TCF4: variants seen among roughly 807,000 people sequenced by gnomAD.
TCF4 encodes the protein transcription factor 4, also known as SL3-3 enhancer factor 2.
A neutral mutation model predicts 82.1 loss-of-function variants in TCF4; 3 were observed. The ratio of observed to expected loss-of-function variants is 0.04; its 90% CI spans 0.02 to 0.09. The LOEUF (loss-of-function observed/expected upper bound fraction) is 0.09, where lower values mean the gene tolerates loss of function less well. Among genes scored for constraint, TCF4 ranks in the 10% least tolerant of loss-of-function variants. The pLI, the probability that TCF4 is intolerant of heterozygous loss-of-function variation, is 1.00. For missense variants in TCF4, 518 were observed against 852.7 expected (o/e 0.61, Z 4.89); for synonymous variants, 276 against 309.6 (o/e 0.89, Z 1.14).
At chr18:55,312,171 T>A (rs1045957403) in intron 8 of TCF4, among the ~76,000 whole-genome samples, 1 of 152,232 alleles carries the variant, frequency 6.6e-6, no homozygotes, top group African/African-American at 2.4e-5. Context: ...TGTATAAATG[T>A]GTTTAGGTTT....
intron 5 of TCF4, among the ~76,000 whole-genome samples, chr18:55,459,175 C>T (rs1286697704): frequency 6.6e-6 from 1 of 152,118 alleles, no homozygotes; most frequent in Non-Finnish European, 1.5e-5. Flanking sequence ...GATAAAAGAG[C>T]AAAGCTGACA....
intron 8 of TCF4, among the ~76,000 whole-genome samples, chr18:55,292,823 CATT>C (rs1205177615): frequency 4.2e-5 from 6 of 142,022 alleles, no homozygotes; most frequent in Non-Finnish European, 9.7e-5. Context: ...TATTTACCCA[CATT>C]ATACATCTTT....
chr18:55,279,833 G>A (rs1026732731), intron 8 of TCF4, among the ~76,000 whole-genome samples, 177 bp from the exon 9 acceptor site: 5 of 152,082 alleles, frequency 3.3e-5, no homozygotes, highest in Non-Finnish European at 7.4e-5. Context: ...ACAACAAAAC[G>A]AAACAAAAGC....
chr18:55,457,079 A>G (rs545137173), intron 5 of TCF4, among the ~76,000 whole-genome samples: 1 of 152,356 alleles, frequency 6.6e-6, no homozygotes, highest in East Asian at 1.9e-4. Context: ...AATGTCAGGT[A>G]AAAGTATATG....
At chr18:55,374,959 G>A (rs1427558982) in intron 6 of TCF4, among the ~76,000 whole-genome samples, 2 of 139,886 alleles carry the variant, frequency 1.4e-5, no homozygotes, top group Non-Finnish European at 3.1e-5. Context: ...TCAGGACATA[G>A]AAAGAAGAAA....
chr18:55,439,278 C>G (rs1308389321), intron 5 of TCF4, among the ~76,000 whole-genome samples: 1 of 152,046 alleles, frequency 6.6e-6, no homozygotes, highest in Non-Finnish European at 1.5e-5. Flanking sequence ...AGAGAGGGAT[C>G]CACATCTGAG....
chr18:55,366,254 A>G (rs1442104465), intron 6 of TCF4, among the ~76,000 whole-genome samples: 1 of 152,200 alleles, frequency 6.6e-6, no homozygotes, highest in African/African-American at 2.4e-5. Context: ...AAAATTCCAG[A>G]AGGTTTGAAA....
intron 6 of TCF4, among the ~76,000 whole-genome samples, chr18:55,386,322 G>A (rs565558010): frequency 2.0e-5 from 3 of 152,226 alleles, no homozygotes; most frequent in Non-Finnish European, 4.4e-5. Context: ...AGCAAAATAC[G>A]CCAATATCAC....
At chr18:55,570,874 T>C in intron 3 of TCF4, among the ~76,000 whole-genome samples, 1 of 142,854 alleles carries the variant, frequency 7.0e-6, no homozygotes, top group Admixed American at 7.2e-5. Flanking sequence ...CAGAGTGAGA[T>C]GTGAGACCCT....
chr18:55,615,057 G>T (rs1276779270), intron 2 of TCF4, among the ~76,000 whole-genome samples: 1 of 152,056 alleles, frequency 6.6e-6, no homozygotes, highest in Non-Finnish European at 1.5e-5. Flanking sequence ...TTCTTTGTCT[G>T]CATTGTGGTA....
At chr18:55,589,456 A>C, upstream of TCF4, 1 of 1,056,434 alleles carries the variant, frequency 9.5e-7, no homozygotes, top group Non-Finnish European at 1.1e-6. Flanking sequence ...AGATTACAAG[A>C]TTATGCACCT....
intron 5 of TCF4, among the ~76,000 whole-genome samples, chr18:55,426,968 T>C (rs753658265): frequency 6.6e-5 from 10 of 152,184 alleles, no homozygotes; most frequent in Non-Finnish European, 1.3e-4. Context: ...CTTTTACTTT[T>C]AAGGAGCTAA....
intron 5 of TCF4, among the ~76,000 whole-genome samples, chr18:55,407,246 A>C (rs997190367): frequency 1.3e-5 from 2 of 152,210 alleles, no homozygotes; most frequent in Non-Finnish European, 2.9e-5. Flanking sequence ...GGCTGAATGA[A>C]AGCTATAGAG....
At chr18:55,635,598 G>A in intron 1 of TCF4, 2 of 1,397,482 alleles carry the variant, frequency 1.4e-6, no homozygotes, top group Non-Finnish European at 9.4e-7. Flanking sequence ...AGAGAGGTTA[G>A]AGAGCTAGAA....
intron 5 of TCF4, among the ~76,000 whole-genome samples, chr18:55,440,349 G>A (rs1256727352): frequency 6.6e-6 from 1 of 152,022 alleles, no homozygotes; most frequent in African/African-American, 2.4e-5. Context: ...TAAGCTTTGG[G>A]GTTTTTGGGG....
chr18:55,268,789 C>T (rs541352972), intron 11 of TCF4: 2 of 152,212 alleles, frequency 1.3e-5, no homozygotes, highest in South Asian at 2.1e-4. Context: ...GACTCAACAG[C>T]AGCATTATTC....
rs558509889 is a variant in TCF4 at position 55,626,032 on chromosome 18, G to A, written c.286+5266C>T. Among the ~76,000 whole-genome samples, 5 of 152,166 alleles carry A rather than the reference G, an allele frequency of 3.3e-5. No homozygotes were observed. In the East Asian group the frequency reaches 9.7e-4, roughly 29 times the overall value. On this transcript the variant is annotated intron_variant, in intron 2 of 20. Transcript: ENST00000398339. ...TGCTTTACTTTCTTGTTTCCCAGTGGAACTATTTCTATTTGATTTCAATTA... is the reference window on the plus strand; with the variant it reads ...TGCTTTACTTTCTTGTTTCCCAGTGAAACTATTTCTATTTGATTTCAATTA...
chr18:55,267,696 A>T (rs1568565039), intron 11 of TCF4: 1 of 152,050 alleles, frequency 6.6e-6, no homozygotes, highest in Non-Finnish European at 1.5e-5. Context: ...ATGTCTACCT[A>T]TTTCCTTAAA....
chr18:55,612,395 T>A (rs1156835284), intron 2 of TCF4, among the ~76,000 whole-genome samples: 3 of 152,188 alleles, frequency 2.0e-5, no homozygotes, highest in African/African-American at 7.2e-5. Context: ...AGGAATTCCA[T>A]ATCGTGTTTG....
Sources: gnomAD v4.1 joint callset for allele counts (sites outside exome capture counted in the v4.1 genomes callset) on GRCh38, gnomAD v4.1.1 for gene constraint, MANE v1.5 for transcripts, NCBI Gene and HGNC (gene_info 2026-07-23, HGNC 2026-07-21) for gene names.